PRKACB: variants seen among roughly 807,000 people sequenced by gnomAD.
The protein encoded by PRKACB is cAMP-dependent protein kinase catalytic subunit beta.
In PRKACB, 16 loss-of-function variants were observed where a neutral mutation model predicts 51.4. The observed-to-expected ratio is 0.31, with a 90% CI of 0.21 to 0.47. The LOEUF (loss-of-function observed/expected upper bound fraction) is 0.47. Ranked by LOEUF, PRKACB falls within the 20% of genes least tolerant of loss-of-function variation. The pLI is 1.00. For synonymous variants in PRKACB, 147 were observed against 154.4 expected (o/e 0.95, Z 0.35); for missense variants, 309 against 464.5 (o/e 0.67, Z 3.08).
At chr1:84,215,620 A>G (rs569913952) in intron 9 of PRKACB, among the ~76,000 whole-genome samples, 1 of 152,210 alleles carries the variant, frequency 6.6e-6, no homozygotes, top group Non-Finnish European at 1.5e-5. Flanking sequence ...AACCCCAGCT[A>G]AACTGTAGCA....
chr1:84,181,810 T>C, intron 2 of PRKACB: 1 of 968,150 alleles, frequency 1.0e-6, no homozygotes, highest in Non-Finnish European at 1.4e-6. Flanking sequence ...CTGTATGGCT[T>C]CTATGACTCT....
chr1:84,200,087 T>C (rs1669642599), intron 7 of PRKACB, among the ~76,000 whole-genome samples: 1 of 152,044 alleles, frequency 6.6e-6, no homozygotes. Context: ...CCTCAAGTGG[T>C]GCACCCTCCT....
intron 1 of PRKACB, among the ~76,000 whole-genome samples, chr1:84,102,137 G>A (rs561480761): frequency 6.6e-6 from 1 of 151,834 alleles, no homozygotes; most frequent in African/African-American, 2.4e-5. Context: ...TTGGGAGGCC[G>A]AGGTGGGCAG....
chr1:84,175,949 A>G lies in PRKACB; in HGVS notation c.188-3228A>G, dbSNP rs115947554. ...TTTTTTGTAGTATCTACTTTGTTCA[A>G]TTATTTACCAGTAGAGAATAAAATG... On this transcript the variant is annotated intron_variant, in intron 1 of 9. Transcript: ENST00000370685. 1,129 of 614,474 alleles carry G rather than the reference A, an allele frequency of 1.8e-3. 9 individuals are homozygous for G. In the African/African-American group the frequency reaches 0.019, roughly 10 times the overall value. The allele number at this position is 614,474 out of a possible 1,614,324, so 38.1% of individuals were successfully genotyped here.
intron 1 of PRKACB, among the ~76,000 whole-genome samples, chr1:84,092,649 G>T (rs550115913): frequency 2.2e-4 from 34 of 152,106 alleles, no homozygotes; most frequent in Non-Finnish European, 3.8e-4. Flanking sequence ...AGATCATGTG[G>T]TTCTGGTAAA....
chr1:84,193,549 A>G (rs760465984), intron 5 of PRKACB, among the ~76,000 whole-genome samples: 30 of 152,202 alleles, frequency 2.0e-4, no homozygotes, highest in Admixed American at 3.9e-4. Flanking sequence ...GTTTTGGGAC[A>G]AAGTTCATTG....
In PRKACB at chr1:84,214,035, G is replaced by A. The variant is rs112103042; in HGVS notation, c.907-118G>A. 6.9e-5 allele frequency: 68 copies of A among 982,518 alleles called. 1 individual carries two copies. The African/African-American group carries it at 8.6e-4, about 12-fold the overall frequency. 60.9% of individuals were successfully genotyped at this position (982,518 alleles called of 1,614,324 possible). A position where few individuals can be genotyped will look rare whatever the true frequency, so the allele number is the denominator to read the frequency against. ...TAGTTAAAAGTATGTGAAGGTCATC[G>A]CTCCATATTTTTGTTTATATAATGG... On this transcript the variant is annotated intron_variant, in intron 8 of 9. Coordinates refer to ENST00000370685, the MANE Select transcript of PRKACB (RefSeq NM_182948.4).
chr1:84,187,270 G>T (rs775546517), intron 5 of PRKACB, among the ~76,000 whole-genome samples: 5 of 152,094 alleles, frequency 3.3e-5, no homozygotes, highest in Non-Finnish European at 7.4e-5. Flanking sequence ...CTTAAGTCAG[G>T]CTTTGTCAAT....
intron 1 of PRKACB, among the ~76,000 whole-genome samples, chr1:84,136,588 T>G (rs537231270): frequency 6.6e-6 from 1 of 151,934 alleles, no homozygotes; most frequent in Non-Finnish European, 1.5e-5. Context: ...CTGGTGGTAA[T>G]GAAAATGGCA....
intron 8 of PRKACB, among the ~76,000 whole-genome samples, chr1:84,203,521 A>ATTCAATTT (rs1419853224): frequency 6.6e-6 from 1 of 151,966 alleles, no homozygotes; most frequent in Non-Finnish European, 1.5e-5. Flanking sequence ...TTTTTTTAAA[A>ATTCAATTT]GACCATTGTC....
intron 1 of PRKACB, chr1:84,173,377 A>T: frequency 1.9e-6 from 3 of 1,544,106 alleles, no homozygotes; most frequent in Middle Eastern, 1.7e-4. Context: ...TTTTTTACAG[A>T]ATAATTCTGT....
At chr1:84,079,405 A>C (rs1647346270) in intron 1 of PRKACB, among the ~76,000 whole-genome samples, 1 of 152,224 alleles carries the variant, frequency 6.6e-6, no homozygotes, top group South Asian at 2.1e-4. Flanking sequence ...TAACATAAGA[A>C]TTAGGCTAAT....
At chr1:84,144,198 A>G, upstream of PRKACB, 1 of 1,318,854 alleles carries the variant, frequency 7.6e-7, no homozygotes, top group Non-Finnish European at 9.9e-7. Context: ...AAGCTCAGTA[A>G]TGTGCTGTTT....
intron 1 of PRKACB, among the ~76,000 whole-genome samples, chr1:84,150,655 C>T (rs1199744447): frequency 6.6e-6 from 1 of 152,130 alleles, no homozygotes; most frequent in Non-Finnish European, 1.5e-5. Flanking sequence ...CTCTCTTTGC[C>T]TGTGACATGC....
At chr1:84,159,530 A>G (rs1042643008) in intron 1 of PRKACB, among the ~76,000 whole-genome samples, 9 of 152,218 alleles carry the variant, frequency 5.9e-5, no homozygotes, top group African/African-American at 2.2e-4. Context: ...TTTTCTACAT[A>G]TAGAATAATT....
At chr1:84,203,014 T>G (rs1670579270) in intron 8 of PRKACB, among the ~76,000 whole-genome samples, 1 of 151,982 alleles carries the variant, frequency 6.6e-6, no homozygotes, top group African/African-American at 2.4e-5. Context: ...AACAAAACAG[T>G]AAAGCAATTT....
At chr1:84,098,669 T>G (rs1649107484) in intron 1 of PRKACB, among the ~76,000 whole-genome samples, 1 of 152,048 alleles carries the variant, frequency 6.6e-6, no homozygotes, top group Non-Finnish European at 1.5e-5. Flanking sequence ...GTTATGAACT[T>G]CAAATCATAA....
At chr1:84,152,265 T>A (rs937902451) in intron 1 of PRKACB, among the ~76,000 whole-genome samples, 1 of 152,178 alleles carries the variant, frequency 6.6e-6, no homozygotes, top group Non-Finnish European at 1.5e-5. Flanking sequence ...CCTTTCACAT[T>A]CCATTTATAG....
intron 9 of PRKACB, among the ~76,000 whole-genome samples, chr1:84,224,178 C>T (rs114545256): frequency 1.1e-4 from 16 of 152,328 alleles, no homozygotes; most frequent in Non-Finnish European, 2.4e-4. Context: ...ACAGGGACAC[C>T]AGGCATCCTG....
Sources: allele counts gnomAD v4.1 joint callset (sites outside exome capture counted in the v4.1 genomes callset), GRCh38; gene constraint gnomAD v4.1.1; transcripts MANE v1.5; gene names NCBI Gene and HGNC (gene_info 2026-07-23, HGNC 2026-07-21).